Variants in EXOC4 observed in about 807,000 individuals in gnomAD.
EXOC4 encodes SEC8-like 1.
A neutral mutation model predicts 107.2 loss-of-function variants in EXOC4; 71 were observed. That is an observed-to-expected ratio of 0.66 (90% confidence interval 0.55 to 0.81). The LOEUF is 0.81. Ranked by LOEUF, EXOC4 falls within the 30% of genes least tolerant of loss-of-function variation. The pLI, the probability that EXOC4 is intolerant of heterozygous loss-of-function variation, is 0.00. For synonymous variants in EXOC4, 456 were observed against 441.2 expected (o/e 1.03, Z -0.42); for missense variants, 1,108 against 1,189.6 (o/e 0.93, Z 1.01).
chr7:133,763,801 T>G (rs1174896025), intron 10 of EXOC4, among the ~76,000 whole-genome samples: 1 of 151,978 alleles, frequency 6.6e-6, no homozygotes, highest in Non-Finnish European at 1.5e-5. Context: ...TAGGGAAACT[T>G]GCGGAAAGGA....
chr7:133,823,908 TATAAA>T (rs1256632555), intron 11 of EXOC4, among the ~76,000 whole-genome samples: 6 of 29,044 alleles, frequency 2.1e-4, no homozygotes, highest in African/African-American at 3.6e-4. Context: ...TATATATATA[TATAAA>T]TATATATATA....
chr7:133,311,544 G>C (rs1231830159), intron 4 of EXOC4, among the ~76,000 whole-genome samples: 2 of 152,178 alleles, frequency 1.3e-5, no homozygotes, highest in Non-Finnish European at 2.9e-5. Flanking sequence ...GATTCAGCCA[G>C]ATTTAAAAAT....
At chr7:133,632,069 C>T (rs1306227419) in intron 10 of EXOC4, among the ~76,000 whole-genome samples, 2 of 152,080 alleles carry the variant, frequency 1.3e-5, no homozygotes, top group African/African-American at 4.8e-5. Flanking sequence ...TATATATACA[C>T]ACACATATAT....
At chr7:133,790,774 C>G (rs1045789377) in intron 10 of EXOC4, among the ~76,000 whole-genome samples, 15 of 152,224 alleles carry the variant, frequency 9.9e-5, no homozygotes, top group Non-Finnish European at 1.3e-4. Flanking sequence ...TTTCATGCTG[C>G]ACGCAGCTGG....
In EXOC4 at chr7:133,880,178, C is replaced by T. The variant is rs146165694; in HGVS notation, c.1735-15421C>T. 3.5e-4 allele frequency among the ~76,000 whole-genome samples: 54 copies of T among 152,280 alleles called. No homozygotes were observed. In the East Asian group the frequency reaches 8.1e-3, roughly 23 times the overall value. On this transcript the variant is annotated intron_variant, in intron 11 of 17. Coordinates refer to ENST00000253861, the MANE Select transcript of EXOC4 (RefSeq NM_021807.4). Reference sequence around the variant, plus strand: ...GTTCCCTTACCTTGTCTTTTATACTCACTTCCCTCTTCTCTTGGACTATCA... The same window carrying T: ...GTTCCCTTACCTTGTCTTTTATACTTACTTCCCTCTTCTCTTGGACTATCA...
At chr7:133,834,259 C>T (rs1465712696) in intron 11 of EXOC4, among the ~76,000 whole-genome samples, 1 of 152,142 alleles carries the variant, frequency 6.6e-6, no homozygotes, top group Admixed American at 6.5e-5. Flanking sequence ...CAGTACCAGA[C>T]ATTATCAGTA....
intron 9 of EXOC4, chr7:133,484,201 G>T (rs1471969810): frequency 8.6e-6 from 13 of 1,515,956 alleles, no homozygotes; most frequent in East Asian, 2.4e-5. Context: ...AAAAAAATGA[G>T]ATTTCTTTGG....
chr7:133,817,634 T>A (rs3757406), intron 11 of EXOC4, 90 bp downstream of exon 11: 5 of 915,122 alleles, frequency 5.5e-6, no homozygotes, highest in Non-Finnish European at 5.0e-6. Flanking sequence ...AATTACCATC[T>A]GTTTCCATAT....
chr7:133,713,390 A>G (rs576999342), intron 10 of EXOC4, among the ~76,000 whole-genome samples: 5 of 152,306 alleles, frequency 3.3e-5, no homozygotes, highest in Admixed American at 6.5e-5. Context: ...ACAAAGTTAC[A>G]TAACAGTCAT....
At chr7:133,525,609 A>G (rs894377305) in intron 9 of EXOC4, among the ~76,000 whole-genome samples, 9 of 152,196 alleles carry the variant, frequency 5.9e-5, no homozygotes, top group Admixed American at 1.3e-4. Context: ...ATGAATGCAA[A>G]GAGTACAAAA....
intron 10 of EXOC4, among the ~76,000 whole-genome samples, chr7:133,686,122 A>G (rs1046888865): frequency 1.3e-5 from 2 of 152,148 alleles, no homozygotes; most frequent in African/African-American, 4.8e-5. Flanking sequence ...GACCTGAGCT[A>G]GTACAGTCAG....
intron 10 of EXOC4, among the ~76,000 whole-genome samples, chr7:133,647,408 C>T (rs1231235463): frequency 2.6e-5 from 4 of 152,070 alleles, no homozygotes; most frequent in African/African-American, 9.7e-5. Flanking sequence ...CAACACTTTG[C>T]ATGTAGTATC....
intron 9 of EXOC4, among the ~76,000 whole-genome samples, chr7:133,582,071 C>G (rs1801290751): frequency 6.6e-6 from 1 of 152,084 alleles, no homozygotes; most frequent in Non-Finnish European, 1.5e-5. Flanking sequence ...GTGGGGATTG[C>G]AGTTTGAGAT....
At chr7:133,693,943 T>C (rs1340995084) in intron 10 of EXOC4, among the ~76,000 whole-genome samples, 6 of 151,850 alleles carry the variant, frequency 4.0e-5, no homozygotes, top group Non-Finnish European at 7.4e-5. Flanking sequence ...TCTCACAGAG[T>C]AACCCCTGGA....
intron 10 of EXOC4, among the ~76,000 whole-genome samples, chr7:133,799,219 A>AT (rs201005526): frequency 6.6e-6 from 1 of 152,186 alleles, no homozygotes; most frequent in Non-Finnish European, 1.5e-5. Flanking sequence ...CAAAAGAGGT[A>AT]TCCCCCCTGT....
chr7:133,767,517 T>G (rs1796163869), intron 10 of EXOC4, among the ~76,000 whole-genome samples: 1 of 151,872 alleles, frequency 6.6e-6, no homozygotes, highest in Non-Finnish European at 1.5e-5. Context: ...CTGAGTTCCT[T>G]TTGTCATATT....
chr7:133,305,645 G>A (rs1468635537), intron 3 of EXOC4, among the ~76,000 whole-genome samples: 1 of 152,082 alleles, frequency 6.6e-6, no homozygotes, highest in Non-Finnish European at 1.5e-5. Flanking sequence ...TAAATAGTTT[G>A]CTATGGTGGT....
chr7:134,017,561 G>A (rs143248194), intron 17 of EXOC4, among the ~76,000 whole-genome samples: 573 of 152,068 alleles, frequency 3.8e-3, no homozygotes, highest in Non-Finnish European at 5.5e-3. Flanking sequence ...TTGCTGTCCC[G>A]TTTCTGACCA....
chr7:133,965,160 C>T (rs1344251623), intron 14 of EXOC4, among the ~76,000 whole-genome samples: 1 of 152,184 alleles, frequency 6.6e-6, no homozygotes, highest in Non-Finnish European at 1.5e-5. Flanking sequence ...ATCCTTCACC[C>T]ACATTTTGTT....
Sources: gnomAD v4.1 joint callset for allele counts (sites outside exome capture counted in the v4.1 genomes callset) on GRCh38, gnomAD v4.1.1 for gene constraint, MANE v1.5 for transcripts, NCBI Gene and HGNC (gene_info 2026-07-23, HGNC 2026-07-21) for gene names.